KLHDC4: variants seen among roughly 807,000 people sequenced by gnomAD.
KLHDC4 encodes the protein kelch domain containing 4.
A neutral mutation model predicts 62.4 loss-of-function variants in KLHDC4; 90 were observed. The ratio of observed to expected loss-of-function variants is 1.44; its 90% CI spans 1.22 to 1.72. KLHDC4 has a LOEUF of 1.72. Among genes scored for constraint, KLHDC4 ranks in the 40% most tolerant of loss-of-function variants. KLHDC4 has a pLI of 0.00. For synonymous variants in KLHDC4, 386 were observed against 284.4 expected (o/e 1.36, Z -3.59); for missense variants, 1,025 against 699.7 (o/e 1.47, Z -5.25).
At chr16:87,745,935 G>C (rs1301225235) in intron 5 of KLHDC4, among the ~76,000 whole-genome samples, 1 of 152,136 alleles carries the variant, frequency 6.6e-6, no homozygotes. Context: ...TTAAGCAGCA[G>C]TAACCGAATC....
At chr16:87,731,965 T>TA (rs1403965262) in intron 5 of KLHDC4, among the ~76,000 whole-genome samples, 7 of 152,138 alleles carry the variant, frequency 4.6e-5, no homozygotes, top group Non-Finnish European at 7.3e-5. Context: ...ACGAGCGTCT[T>TA]AAAGGTGAGA....
At chr16:87,719,063 C>T (rs946880480) in intron 7 of KLHDC4, among the ~76,000 whole-genome samples, 2 of 152,004 alleles carry the variant, frequency 1.3e-5, no homozygotes, top group African/African-American at 2.4e-5. Context: ...GGGCAGCCCC[C>T]GCCCGGCCAG....
At chr16:87,722,535 C>A (rs1027719296) in intron 7 of KLHDC4, among the ~76,000 whole-genome samples, 1 of 152,232 alleles carries the variant, frequency 6.6e-6, no homozygotes, top group African/African-American at 2.4e-5. Context: ...CAAACACTGT[C>A]AAGCACGCCA....
At chr16:87,734,239 G>A (rs1039271740) in intron 5 of KLHDC4, among the ~76,000 whole-genome samples, 1 of 152,082 alleles carries the variant, frequency 6.6e-6, no homozygotes, top group Admixed American at 6.5e-5. Flanking sequence ...AGCTACTCAG[G>A]AGGCTGAGGC....
rs143305002 is a variant in KLHDC4, at chr16:87,729,548, CCT to C, written c.599+1002_599+1003del. 6.5e-3 allele frequency among the ~76,000 whole-genome samples: 997 copies of C among 152,314 alleles called. 15 individuals carry two copies. Among genetic ancestry groups the C allele is most frequent in the African/African-American group, 0.023 (955 of 41,564 alleles). ...GACAGAAACAGGGATAACCAGCTCC[CCT>C]GTGTCTTGCTTTTCTGGACTGAACT... is the stretch of plus-strand genomic sequence containing the variant. On this transcript the variant is annotated intron_variant, in intron 6 of 11. Coordinates refer to ENST00000270583, the MANE Select transcript of KLHDC4 (RefSeq NM_017566.4).
intron 11 of KLHDC4, 69 bp from the exon 12 acceptor site, chr16:87,708,144 G>T: frequency 4.7e-6 from 3 of 644,610 alleles, no homozygotes; most frequent in East Asian, 2.8e-5. Flanking sequence ...TGCAGGAGGG[G>T]TAGAGAGAAC....
chr16:87,748,538 C>T (rs902125368), intron 5 of KLHDC4, 135 bp downstream of exon 5: 45 of 1,140,476 alleles, frequency 3.9e-5, no homozygotes, highest in Non-Finnish European at 4.8e-5. Context: ...CAGGACCCAG[C>T]GAGGCTGGGC....
At chr16:87,752,976 G>A (rs2044263577) in intron 4 of KLHDC4, among the ~76,000 whole-genome samples, 1 of 152,186 alleles carries the variant, frequency 6.6e-6, no homozygotes, top group African/African-American at 2.4e-5. Context: ...GAACCTGAGA[G>A]CCAGGAAACA....
At chr16:87,724,082 C>A (rs1349210708) in intron 7 of KLHDC4, among the ~76,000 whole-genome samples, 1 of 152,176 alleles carries the variant, frequency 6.6e-6, no homozygotes, top group African/African-American at 2.4e-5. Context: ...GAGTGATCCG[C>A]CCGACTCAGC....
intron 7 of KLHDC4, among the ~76,000 whole-genome samples, chr16:87,724,802 C>G (rs953998377): frequency 6.6e-6 from 1 of 152,172 alleles, no homozygotes; most frequent in Non-Finnish European, 1.5e-5. Flanking sequence ...CCCACACCCA[C>G]CCCAGGGCCC....
chr16:87,759,214 T>A (rs1290211640), intron 2 of KLHDC4, among the ~76,000 whole-genome samples: 6 of 148,354 alleles, frequency 4.0e-5, no homozygotes, highest in African/African-American at 1.5e-4. Context: ...AAATGGCAAA[T>A]TTTGTTAAAC....
intron 4 of KLHDC4, among the ~76,000 whole-genome samples, chr16:87,751,332 G>C (rs1356735837): frequency 6.6e-6 from 1 of 152,100 alleles, no homozygotes; most frequent in East Asian, 1.9e-4. Flanking sequence ...AAATTAGCCA[G>C]ACGTGGTGGC....
chr16:87,748,524 C>T, intron 5 of KLHDC4, 149 bp downstream of exon 5: 1 of 992,022 alleles, frequency 1.0e-6, no homozygotes, highest in Non-Finnish European at 1.5e-6. Context: ...AAAATGTGGT[C>T]TCCCAGGACC....
rs1334466827 is a variant in KLHDC4, at chr16:87,709,269, G to A, written c.1443C>T (p.Asp481=). Residue 481 remains aspartate (D), a synonymous_variant, in exon 10 of 12, where the codon GAC becomes GAT. Transcript: ENST00000270583. ...MEAWKALVEM[D]PETQEWLEET... is the part of the protein sequence containing the mutation. ...GCACCAAGCTGCCTGGCTCACCTGG[G>A]TCCATCTCCACCAAGGCCTTCCACG... 1 of 1,607,308 alleles carries A rather than the reference G, an allele frequency of 6.2e-7. No individual in the cohort carries two copies. Among genetic ancestry groups the A allele is most frequent in the Non-Finnish European group, 8.5e-7 (1 of 1,176,702 alleles).
intron 5 of KLHDC4, among the ~76,000 whole-genome samples, chr16:87,745,884 G>A (rs2042966538): frequency 6.6e-6 from 1 of 152,176 alleles, no homozygotes; most frequent in South Asian, 2.1e-4. Context: ...CTTAACAACT[G>A]AATAAGGCTC....
At chr16:87,762,509 C>T (rs2046039398) in intron 1 of KLHDC4, among the ~76,000 whole-genome samples, 1 of 152,256 alleles carries the variant, frequency 6.6e-6, no homozygotes, top group East Asian at 1.9e-4. Context: ...GCCTGCCTGC[C>T]TTCCTGTCTG....
chr16:87,720,884 C>T (rs1428437903), intron 7 of KLHDC4, among the ~76,000 whole-genome samples: 1 of 152,202 alleles, frequency 6.6e-6, no homozygotes, highest in African/African-American at 2.4e-5. Context: ...AGCCCGGGGT[C>T]CCCACCGTGC....
intron 7 of KLHDC4, among the ~76,000 whole-genome samples, chr16:87,714,910 T>C (rs1019374109): frequency 2.0e-5 from 3 of 152,226 alleles, no homozygotes; most frequent in African/African-American, 7.2e-5. Flanking sequence ...AGTCACTCTT[T>C]GTTCCTGATC....
At chr16:87,728,940 A>G (rs759388827) in intron 6 of KLHDC4, among the ~76,000 whole-genome samples, 1 of 151,998 alleles carries the variant, frequency 6.6e-6, no homozygotes, top group Non-Finnish European at 1.5e-5. Context: ...ACACCTGGCT[A>G]ATTTTTTGTA....
Sources: allele counts gnomAD v4.1 joint callset (sites outside exome capture counted in the v4.1 genomes callset), GRCh38; gene constraint gnomAD v4.1.1; transcripts MANE v1.5; gene names NCBI Gene and HGNC (gene_info 2026-07-23, HGNC 2026-07-21).